Variants in SPATA6 observed in about 807,000 individuals in gnomAD.
SPATA6 encodes spermatogenesis-associated protein 6.
SPATA6 carries 56 observed loss-of-function variants against 65.3 expected under a neutral mutation model. The observed-to-expected ratio is 0.86, with a 90% CI of 0.69 to 1.07. SPATA6 has a LOEUF of 1.07. Among genes scored for constraint, SPATA6 ranks in the 50% least tolerant of loss-of-function variants. The probability of loss-of-function intolerance (pLI) is 0.00; values close to 1 mark genes in which losing one functional copy is unlikely to be tolerated. For synonymous variants in SPATA6, 199 were observed against 213.2 expected, an observed-to-expected ratio of 0.93 and a Z score of 0.58; for missense variants, 590 against 594.8, an observed-to-expected ratio of 0.99 and a Z score of 0.08.
At chr1:48,374,219 A>G (rs1281327141) in intron 9 of SPATA6, among the ~76,000 whole-genome samples, 1 of 152,200 alleles carries the variant, frequency 6.6e-6, no homozygotes, top group Non-Finnish European at 1.5e-5. Context: ...GTTTACCTCT[A>G]TAAAAAAATC....
intron 1 of SPATA6, among the ~76,000 whole-genome samples, chr1:48,457,571 T>C (rs1424698099): frequency 2.0e-5 from 3 of 152,164 alleles, no homozygotes; most frequent in Admixed American, 6.5e-5. Context: ...ATCAGAAACA[T>C]GAAGCCAGTA....
At position 48,413,161 on chromosome 1, in the gene SPATA6, T is replaced by C. The variant is rs778322201; in HGVS notation, c.239-10A>G. 3 of 1,417,464 alleles carry C rather than the reference T, an allele frequency of 2.1e-6. No homozygotes were observed. In the Admixed American group the frequency reaches 8.8e-5, roughly 41 times the overall value. 87.8% of individuals were successfully genotyped at this position (1,417,464 alleles called of 1,614,324 possible). A position where few individuals can be genotyped will look rare whatever the true frequency, so the allele number is the denominator to read the frequency against. On this transcript the variant is annotated splice_polypyrimidine_tract_variant and intron_variant, in intron 3 of 12. Coordinates refer to ENST00000371847, the MANE Select transcript of SPATA6 (RefSeq NM_019073.4). ...AACACTGCTGTATCATCTAAAAGTT[T>C]AAAGAAAAATTTCCTTAAATAAACA...
At chr1:48,270,645 A>G in the SPATA6 span, among the ~76,000 whole-genome samples, 2 of 152,182 alleles carry the variant, frequency 1.3e-5, no homozygotes, top group Non-Finnish European at 1.5e-5. Flanking sequence ...TACCGAGTAC[A>G]GATGGCAGTC....
At chr1:48,364,446 C>CTT (rs1646927557) in intron 9 of SPATA6, among the ~76,000 whole-genome samples, 1 of 152,220 alleles carries the variant, frequency 6.6e-6, no homozygotes, top group Non-Finnish European at 1.5e-5. Context: ...TATTTCTACA[C>CTT]ATCCTCTCCA....
chr1:48,444,868 C>G (rs896744662), intron 3 of SPATA6, among the ~76,000 whole-genome samples: 4 of 152,194 alleles, frequency 2.6e-5, no homozygotes, highest in Non-Finnish European at 4.4e-5. Context: ...CAAGGACTGT[C>G]AGAATCATTT....
chr1:48,366,108 G>A (rs183015371), intron 9 of SPATA6, among the ~76,000 whole-genome samples: 126 of 152,242 alleles, frequency 8.3e-4, no homozygotes, highest in African/African-American at 2.8e-3. Context: ...ATTGATTTGC[G>A]TATGTTGAAC....
intron 3 of SPATA6, chr1:48,447,966 T>C (rs919021559): frequency 5.3e-5 from 8 of 152,162 alleles, no homozygotes; most frequent in African/African-American, 1.4e-4. Context: ...TCGCAGCCAA[T>C]GAGATTTATC....
At chr1:48,264,182 A>C in the SPATA6 span, among the ~76,000 whole-genome samples, 1 of 152,198 alleles carries the variant, frequency 6.6e-6, no homozygotes, top group African/African-American at 2.4e-5. Flanking sequence ...TGTCAGATAT[A>C]TCTGCTCAAT....
chr1:48,268,980 G>T, the SPATA6 span, among the ~76,000 whole-genome samples: 1 of 152,054 alleles, frequency 6.6e-6, no homozygotes, highest in Non-Finnish European at 1.5e-5. Flanking sequence ...CCATTCCATG[G>T]ACAGTAAAAT....
chr1:48,275,181 A>G, the SPATA6 span, among the ~76,000 whole-genome samples: 121 of 152,266 alleles, frequency 7.9e-4, 1 homozygote, highest in African/African-American at 2.8e-3. Flanking sequence ...ATTTTTGCAC[A>G]TTGATTTTGT....
chr1:48,314,721 A>G (rs537934367), intron 11 of SPATA6, among the ~76,000 whole-genome samples: 15 of 151,976 alleles, frequency 9.9e-5, no homozygotes, highest in African/African-American at 3.6e-4. Context: ...CAGAGACACA[A>G]AAGACCCTTC....
chr1:48,379,467 T>G (rs79788755), intron 9 of SPATA6, among the ~76,000 whole-genome samples: 1 of 151,970 alleles, frequency 6.6e-6, no homozygotes, highest in Admixed American at 6.6e-5. Context: ...CAGGGGGACA[T>G]TGGGGTATGG....
At chr1:48,398,847 A>G (rs1345209358) in intron 7 of SPATA6, among the ~76,000 whole-genome samples, 1 of 151,838 alleles carries the variant, frequency 6.6e-6, no homozygotes, top group Non-Finnish European at 1.5e-5. Flanking sequence ...AACTTTTTTC[A>G]TTTTCAAAGG....
At chr1:48,461,118 T>G (rs1657396603) in intron 1 of SPATA6, among the ~76,000 whole-genome samples, 1 of 152,222 alleles carries the variant, frequency 6.6e-6, no homozygotes, top group African/African-American at 2.4e-5. Flanking sequence ...ATGTGTCTTT[T>G]GGCTACATAA....
At chr1:48,371,267 CTATATAGATAGATAGA>C (rs1231882085) in intron 9 of SPATA6, among the ~76,000 whole-genome samples, 6 of 126,402 alleles carry the variant, frequency 4.7e-5, no homozygotes, top group East Asian at 2.3e-4. Flanking sequence ...GAATATGTAT[CTATATAGATAGATAGA>C]TAGATAGATA....
intron 3 of SPATA6, among the ~76,000 whole-genome samples, chr1:48,423,472 A>C (rs979282341): frequency 5.3e-5 from 8 of 151,394 alleles, no homozygotes; most frequent in Non-Finnish European, 1.2e-4. Context: ...GAAAAAAAAA[A>C]AAAACAGAAA....
At chr1:48,278,201 C>T in the SPATA6 span, among the ~76,000 whole-genome samples, 1 of 146,946 alleles carries the variant, frequency 6.8e-6, no homozygotes, top group Non-Finnish European at 1.5e-5. Context: ...TCATCAAAGA[C>T]CAAAAGTAGA....
intron 1 of SPATA6, among the ~76,000 whole-genome samples, chr1:48,457,486 A>T (rs1657099784): frequency 6.6e-6 from 1 of 152,198 alleles, no homozygotes; most frequent in African/African-American, 2.4e-5. Flanking sequence ...AAGAAGAGAG[A>T]ATCTTGAAAA....
At chr1:48,402,370 A>G (rs996896173) in intron 6 of SPATA6, among the ~76,000 whole-genome samples, 5 of 152,150 alleles carry the variant, frequency 3.3e-5, no homozygotes, top group Non-Finnish European at 5.9e-5. Context: ...CATCTATTGG[A>G]AGAACATACT....
Sources: allele counts gnomAD v4.1 joint callset (sites outside exome capture counted in the v4.1 genomes callset), GRCh38; gene constraint gnomAD v4.1.1; transcripts MANE v1.5; gene names NCBI Gene and HGNC (gene_info 2026-07-23, HGNC 2026-07-21).